The following NBAS variants were observed in gnomAD, a reference collection of about 807,000 sequenced individuals.
NBAS encodes the protein NBAS subunit of NRZ tethering complex, also known as NAG/BC035112 fusion.
Under a neutral mutation model 302.5 loss-of-function variants are expected in NBAS, and 219 were observed. That is an observed-to-expected ratio of 0.72 (90% CI 0.65 to 0.81). The LOEUF is 0.81. Among genes scored for constraint, NBAS ranks in the 30% least tolerant of loss-of-function variants. The pLI is 0.00. For synonymous variants in NBAS, 1,118 were observed against 1,021.6 expected, an observed-to-expected ratio of 1.09 and a Z score of -1.80; for missense variants, 2,932 against 2,841.6, an observed-to-expected ratio of 1.03 and a Z score of -0.72.
chr2:15,321,545 A>G (rs1375759014), intron 38 of NBAS, among the ~76,000 whole-genome samples: 3 of 152,234 alleles, frequency 2.0e-5, no homozygotes, highest in African/African-American at 4.8e-5. Context: ...AAACAAATCT[A>G]CAAGAAAAAA....
chr2:15,038,059 A>C, the NBAS span, among the ~76,000 whole-genome samples: 1 of 149,852 alleles, frequency 6.7e-6, no homozygotes, highest in African/African-American at 2.4e-5. Flanking sequence ...CAACCAAAAA[A>C]AGGTGGTTTT....
At chr2:15,064,545 C>G in the NBAS span, among the ~76,000 whole-genome samples, 15 of 151,824 alleles carry the variant, frequency 9.9e-5, no homozygotes, top group Non-Finnish European at 1.9e-4. Context: ...CTGGACAGAC[C>G]AATAAAAATG....
chr2:15,065,515 G>A, the NBAS span, among the ~76,000 whole-genome samples: 6 of 151,968 alleles, frequency 3.9e-5, no homozygotes, highest in African/African-American at 1.2e-4. Context: ...CTCCACACAC[G>A]AAATATTGTT....
intron 9 of NBAS, among the ~76,000 whole-genome samples, chr2:15,526,531 A>T (rs191650819): frequency 4.3e-4 from 65 of 152,308 alleles, no homozygotes; most frequent in Admixed American, 1.1e-3. Context: ...AATAAATAAA[A>T]ATGTGATGAA....
At chr2:15,193,480 G>T (rs542223751) in intron 48 of NBAS, among the ~76,000 whole-genome samples, 3 of 152,200 alleles carry the variant, frequency 2.0e-5, no homozygotes, top group East Asian at 1.9e-4. Flanking sequence ...TTTGATAATT[G>T]TTATATACCT....
Position 15,275,522 on chromosome 2 carries a change from C to T in NBAS, c.5686G>A (p.Val1896Ile). Residue 1896 changes from valine (V) to isoleucine (I), a missense_variant, in exon 44 of 52, where the codon GTA (valine) becomes ATA (isoleucine). Val to Ile is a conservative substitution (Grantham distance 29, BLOSUM62 3). Coordinates refer to ENST00000281513, the MANE Select transcript of NBAS (RefSeq NM_015909.4). ...TTTGGAGAAAATGTAACTGCATCTA[C>T]CACAGTGATGAGGTCACCTGGGTGG... ...RLHPGDLITV[V>I]DAVTFSPKAV... 6.2e-7 allele frequency: 1 copy of T among 1,614,058 alleles called. No homozygotes were observed.
downstream of NBAS, among the ~76,000 whole-genome samples, chr2:15,166,111 C>A (rs892176122): frequency 6.6e-6 from 1 of 152,184 alleles, no homozygotes; most frequent in Non-Finnish European, 1.5e-5. Context: ...GTGGTGGGGG[C>A]AGGTGCCAGC....
At chr2:15,463,126 T>G (rs1227521526) in intron 19 of NBAS, among the ~76,000 whole-genome samples, 1 of 151,894 alleles carries the variant, frequency 6.6e-6, no homozygotes, top group African/African-American at 2.4e-5. Flanking sequence ...AACAAAAAAT[T>G]AGCTGGGCAT....
chr2:15,442,775 AAG>A (rs1678500086), intron 21 of NBAS, among the ~76,000 whole-genome samples: 2 of 151,866 alleles, frequency 1.3e-5, no homozygotes, highest in African/African-American at 2.4e-5. Flanking sequence ...TAAAGAAAAA[AAG>A]AGAGAAGAAT....
the NBAS span, among the ~76,000 whole-genome samples, chr2:14,956,118 T>C: frequency 9.2e-5 from 14 of 152,174 alleles, no homozygotes; most frequent in Non-Finnish European, 1.6e-4. Context: ...CACAGATCTC[T>C]AGGGCAGGGG....
At chr2:15,150,605 C>A in the NBAS span, among the ~76,000 whole-genome samples, 2 of 152,166 alleles carry the variant, frequency 1.3e-5, no homozygotes, top group Admixed American at 6.5e-5. Flanking sequence ...GTATTATTAT[C>A]AAGACTTCTC....
intron 48 of NBAS, among the ~76,000 whole-genome samples, chr2:15,200,550 T>C (rs1219586894): frequency 6.6e-6 from 1 of 152,204 alleles, no homozygotes; most frequent in African/African-American, 2.4e-5. Context: ...CGTCAAATAG[T>C]TTACAGGCAC....
chr2:15,456,596 C>T (rs1186942821), intron 21 of NBAS, among the ~76,000 whole-genome samples: 1 of 152,160 alleles, frequency 6.6e-6, no homozygotes, highest in African/African-American at 2.4e-5. Flanking sequence ...TATTCATTCA[C>T]TCAACAAGTA....
the NBAS span, among the ~76,000 whole-genome samples, chr2:15,131,748 C>T: frequency 1.3e-5 from 2 of 152,150 alleles, no homozygotes; most frequent in African/African-American, 4.8e-5. Flanking sequence ...GTTTAATTGG[C>T]TCACAGTTCT....
the NBAS span, among the ~76,000 whole-genome samples, chr2:15,004,413 T>G: frequency 6.6e-6 from 1 of 152,240 alleles, no homozygotes; most frequent in African/African-American, 2.4e-5. Flanking sequence ...TTTTTATATT[T>G]GTTTCAACAT....
chr2:15,486,990 T>G (rs1046423245), intron 12 of NBAS, among the ~76,000 whole-genome samples: 5 of 152,122 alleles, frequency 3.3e-5, no homozygotes, highest in Non-Finnish European at 7.4e-5. Context: ...CAGAATAGCC[T>G]TTACACTGGA....
At position 15,331,424 on chromosome 2, in the gene NBAS, T is replaced by C. The variant is rs538477023; in HGVS notation, c.4180-659A>G. Reference sequence around the variant, plus strand: ...AAACAGAAAGGATGAAGACCATATCTGCATTTAGTCAAAGAAAAATATTAT... The same window carrying C: ...AAACAGAAAGGATGAAGACCATATCCGCATTTAGTCAAAGAAAAATATTAT... On this transcript the variant is annotated intron_variant, in intron 35 of 51. Transcript: ENST00000281513. Among the ~76,000 whole-genome samples, 3 of 152,346 alleles carry C rather than the reference T, an allele frequency of 2.0e-5. No individual in the cohort carries two copies. In the South Asian group the frequency reaches 6.2e-4, roughly 32 times the overall value.
the NBAS span, among the ~76,000 whole-genome samples, chr2:15,088,139 A>G: frequency 6.6e-6 from 1 of 152,130 alleles, no homozygotes; most frequent in Non-Finnish European, 1.5e-5. Flanking sequence ...GAGCAGGAAT[A>G]AGGGATGCTT....
At chr2:15,363,515 C>CA (rs1558272485) in intron 32 of NBAS, among the ~76,000 whole-genome samples, 1 of 152,012 alleles carries the variant, frequency 6.6e-6, no homozygotes. Context: ...TATATAGTGT[C>CA]AAAAAAGGTG....
Sources: gnomAD v4.1 joint callset for allele counts (sites outside exome capture counted in the v4.1 genomes callset) on GRCh38, gnomAD v4.1.1 for gene constraint, MANE v1.5 for transcripts, NCBI Gene and HGNC (gene_info 2026-07-23, HGNC 2026-07-21) for gene names.